The following ZNF184 variants were observed in gnomAD, a reference collection of about 807,000 sequenced individuals.
The protein encoded by ZNF184 is zinc finger protein 184.
A neutral mutation model predicts 54.4 loss-of-function variants in ZNF184; 16 were observed. The ratio of observed to expected loss-of-function variants is 0.29; its 90% CI spans 0.20 to 0.45. The LOEUF (loss-of-function observed/expected upper bound fraction) is 0.45. ZNF184 is among the 20% of genes least tolerant of loss of function. The probability of loss-of-function intolerance (pLI) is 1.00; values close to 1 mark genes in which losing one functional copy is unlikely to be tolerated. For missense variants in ZNF184, 681 were observed against 888.2 expected (o/e 0.77, Z 2.97); for synonymous variants, 254 against 295.3 (o/e 0.86, Z 1.43).
the ZNF184 span, among the ~76,000 whole-genome samples, chr6:27,413,695 A>C: frequency 3.3e-5 from 5 of 152,214 alleles, no homozygotes; most frequent in African/African-American, 1.2e-4. Context: ...AAATGCTACT[A>C]TCATACTTAA....
chr6:27,418,719 T>A, the ZNF184 span, among the ~76,000 whole-genome samples: 2 of 152,174 alleles, frequency 1.3e-5, no homozygotes, highest in South Asian at 4.1e-4. Flanking sequence ...TGTGCCTTTT[T>A]AAAATTGATT....
rs1049797455 is a variant in ZNF184 at position 27,451,349 on chromosome 6, T to C, written c.2210A>G (p.Tyr737Cys). ...CTGATGTTTGTTGAGAGCAGAGCGA[T>C]ATCTGAAGGATTTTCCACAATCATT... ...GCNDCGKSFR[Y>C]RSALNKHQRL... is the part of the protein sequence containing the mutation. The change falls in exon 6 of 6, where the codon TAT (tyrosine) becomes TGT (cysteine). Residue 737 changes from tyrosine to cysteine, a missense_variant. Transcript: ENST00000683788. 5 of 1,613,636 alleles carry C rather than the reference T, an allele frequency of 3.1e-6. No homozygotes were observed. Among genetic ancestry groups the C allele is most frequent in the Non-Finnish European group, 3.4e-6 (4 of 1,179,784 alleles).
At chr6:27,457,152 T>C (rs1762876542) in intron 4 of ZNF184, 131 bp downstream of exon 4, 3 of 1,309,210 alleles carry the variant, frequency 2.3e-6, no homozygotes, top group African/African-American at 1.5e-5. Flanking sequence ...GCTAGGATGG[T>C]AGAAACCTTT....
At chr6:27,467,771 T>C in intron 3 of ZNF184, 82 bp downstream of exon 3, 1 of 1,354,788 alleles carries the variant, frequency 7.4e-7, no homozygotes, top group Non-Finnish European at 1.0e-6. Flanking sequence ...GATTTTTGGA[T>C]AAATAGAAAA....
chr6:27,441,625 CA>C, the ZNF184 span, among the ~76,000 whole-genome samples: 1 of 152,140 alleles, frequency 6.6e-6, no homozygotes, highest in East Asian at 1.9e-4. Context: ...TATGGTGACA[CA>C]AATCTCCTAG....
chr6:27,467,777 G>C, intron 3 of ZNF184, 76 bp downstream of exon 3: 3 of 1,412,886 alleles, frequency 2.1e-6, no homozygotes, highest in Non-Finnish European at 1.9e-6. Context: ...TGGATAAATA[G>C]AAAAAACAAA....
intron 2 of ZNF184, among the ~76,000 whole-genome samples, chr6:27,471,621 A>T (rs1387998555): frequency 6.6e-6 from 1 of 152,222 alleles, no homozygotes; most frequent in Non-Finnish European, 1.5e-5. Context: ...TTTTCAGAGA[A>T]AGGTCTAGAT....
the ZNF184 span, among the ~76,000 whole-genome samples, chr6:27,419,700 A>T: frequency 2.1e-5 from 2 of 95,712 alleles, no homozygotes; most frequent in African/African-American, 3.3e-5. The surrounding 1 kb of genome is among the most constrained non-coding windows in gnomAD (Gnocchi z 4.8). Flanking sequence ...ATGCTCCACA[A>T]CAATCTTACA....
chr6:27,438,044 C>A, the ZNF184 span, among the ~76,000 whole-genome samples: 1 of 152,106 alleles, frequency 6.6e-6, no homozygotes, highest in Non-Finnish European at 1.5e-5. Flanking sequence ...ACCTTCAAAC[C>A]TTTTATCATG....
At chr6:27,438,044 C>T in the ZNF184 span, among the ~76,000 whole-genome samples, 1 of 152,224 alleles carries the variant, frequency 6.6e-6, no homozygotes, top group Middle Eastern at 3.4e-3. Flanking sequence ...ACCTTCAAAC[C>T]TTTTATCATG....
At chr6:27,424,119 G>A in the ZNF184 span, among the ~76,000 whole-genome samples, 12 of 152,262 alleles carry the variant, frequency 7.9e-5, no homozygotes, top group African/African-American at 2.9e-4. Flanking sequence ...TCCTTCTGGT[G>A]GGTTCGTGGT....
chr6:27,440,919 G>A, the ZNF184 span, among the ~76,000 whole-genome samples: 1 of 151,960 alleles, frequency 6.6e-6, no homozygotes, highest in South Asian at 2.1e-4. Flanking sequence ...GCAGAAGAAC[G>A]GCATGAACCC....
In ZNF184 at chr6:27,452,998, G is replaced by A; in HGVS notation, c.561C>T (p.Val187=). The change falls in exon 6 of 6, where the codon GTC becomes GTT. Residue 187 remains valine (V), a synonymous_variant. Coordinates refer to ENST00000683788, the MANE Select transcript of ZNF184 (RefSeq NM_001318891.2). The surrounding 1 kb of genome is among the most constrained non-coding windows in gnomAD (Gnocchi z 5.5). Reference sequence around the variant, plus strand: ...GTGTTACAAGGTTTGAACTCACATTGACACTTTTCCCAAATTCATTATTTA... The same window carrying A: ...GTGTTACAAGGTTTGAACTCACATTAACACTTTTCCCAAATTCATTATTTA... ...GPVNNEFGKS[V]NVSSNLVTQE... is the part of the protein sequence containing the mutation. 1 of 1,614,092 alleles carries A rather than the reference G, an allele frequency of 6.2e-7. No homozygotes were observed. The highest frequency in any genetic ancestry group is 8.5e-7 in the Non-Finnish European group (1 of 1,180,002).
intron 2 of ZNF184, among the ~76,000 whole-genome samples, chr6:27,468,624 C>G (rs977392753): frequency 5.3e-5 from 8 of 152,148 alleles, no homozygotes; most frequent in African/African-American, 1.4e-4. Flanking sequence ...AACCCAAATG[C>G]CTTTCAACAG....
In ZNF184 at chr6:27,467,899, G is replaced by A; in HGVS notation, c.29C>T (p.Thr10Ile). 6.2e-7 allele frequency: 1 copy of A among 1,612,090 alleles called. No homozygotes were observed. Among genetic ancestry groups the A allele is most frequent in the Non-Finnish European group, 8.5e-7 (1 of 1,179,106 alleles). Reference sequence around the variant, plus strand: ...TAGATTATGTCCCCCTTGGAGAAGGGTGGAGTCTGGAGAGGACAGATCTAG... The same window carrying A: ...TAGATTATGTCCCCCTTGGAGAAGGATGGAGTCTGGAGAGGACAGATCTAG... Reference protein sequence around the residue: MEDLSSPDSTLLQGGHNLLS... With the variant: MEDLSSPDSILLQGGHNLLS... Residue 10 changes from threonine to isoleucine, a missense_variant, in exon 3 of 6, where the codon ACC (threonine) becomes ATC (isoleucine). Thr to Ile is a moderately conservative substitution (Grantham distance 89, BLOSUM62 -1). Coordinates refer to ENST00000683788, the MANE Select transcript of ZNF184 (RefSeq NM_001318891.2).
At chr6:27,458,728 T>C (rs746358249) in intron 3 of ZNF184, among the ~76,000 whole-genome samples, 2 of 152,142 alleles carry the variant, frequency 1.3e-5, no homozygotes, top group Non-Finnish European at 2.9e-5. Flanking sequence ...CGCTAATGGG[T>C]ATTTATCCAA....
At chr6:27,404,101 AAAC>A in the ZNF184 span, 4 of 152,208 alleles carry the variant, frequency 2.6e-5, no homozygotes, top group Non-Finnish European at 4.4e-5. Flanking sequence ...GTAAAATAGA[AAAC>A]AACACATACA....
At position 27,452,489 on chromosome 6, in the gene ZNF184, G is replaced by A. The variant is rs778315131; in HGVS notation, c.1070C>T (p.Thr357Met). ...ATCACATTTAAAAGGTTTTTCTCCC[G>A]TATGAATTTTCTGATGTTCCATAAA... ...GHFMEHQKIH[T>M]GEKPFKCDEC... Residue 357 changes from threonine (T) to methionine (M), a missense_variant, in exon 6 of 6, where the codon ACG becomes ATG. Coordinates refer to ENST00000683788, the MANE Select transcript of ZNF184 (RefSeq NM_001318891.2). This position sits in a 1 kb window ranked among gnomAD's most constrained non-coding sequence, Gnocchi z 5.5. 8.7e-6 allele frequency: 14 copies of A among 1,613,858 alleles called. No individual in the cohort carries two copies. Among genetic ancestry groups the A allele is most frequent in the South Asian group, 3.3e-5 (3 of 91,082 alleles).
downstream of ZNF184, among the ~76,000 whole-genome samples, chr6:27,450,585 A>G (rs527881416): frequency 6.6e-6 from 1 of 152,070 alleles, no homozygotes; most frequent in African/African-American, 2.4e-5. Flanking sequence ...ACAAATTTCT[A>G]TTGTTTAAGA....
Sources: allele counts gnomAD v4.1 joint callset (sites outside exome capture counted in the v4.1 genomes callset), GRCh38; gene constraint gnomAD v4.1.1; non-coding constraint Gnocchi (gnomAD v3.1); transcripts MANE v1.5; gene names NCBI Gene and HGNC (gene_info 2026-07-23, HGNC 2026-07-21).